PTPRN2: variants seen among roughly 807,000 people sequenced by gnomAD.
The protein encoded by PTPRN2 is receptor-type tyrosine-protein phosphatase N2.
Under a neutral mutation model 118.8 loss-of-function variants are expected in PTPRN2, and 74 were observed. The observed-to-expected ratio is 0.62, with a 90% confidence interval of 0.52 to 0.76. PTPRN2 has a LOEUF of 0.76. Among genes scored for constraint, PTPRN2 ranks in the 30% least tolerant of loss-of-function variants. The pLI is 0.00. For missense variants in PTPRN2, 1,481 were observed against 1,394.4 expected (o/e 1.06, Z -0.99); for synonymous variants, 641 against 608.0 (o/e 1.05, Z -0.80).
At position 158,407,214 on chromosome 7, in the gene PTPRN2, CGTCCTGCGTCCTGGGTCCTGG is replaced by C. The variant is rs1813588331; in HGVS notation, c.163+82500_163+82520del. 2.2e-3 allele frequency among the ~76,000 whole-genome samples: 51 copies of C among 22,890 alleles called. 1 individual carries two copies. The highest frequency in any genetic ancestry group is 5.2e-3 in the South Asian group (2 of 388). 15.0% of individuals were successfully genotyped at this position (22,890 alleles called of 152,430 possible). A position where few individuals can be genotyped will look rare whatever the true frequency, so the allele number is the denominator to read the frequency against. ...CCTGGGTCCTGGGTCCTGGGTCCTGCGTCCTGCGTCCTGGGTCCTGGGTCCTGGGTCCTGCGTCCTGGGTCC... is the reference window on the plus strand; with the variant it reads ...CCTGGGTCCTGGGTCCTGGGTCCTGCGTCCTGGGTCCTGCGTCCTGGGTCC... On this transcript the variant is annotated intron_variant, in intron 2 of 22. Transcript: ENST00000389418.
chr7:158,441,133 C>T (rs1367517957), intron 2 of PTPRN2, among the ~76,000 whole-genome samples: 1 of 142,388 alleles, frequency 7.0e-6, no homozygotes, highest in Non-Finnish European at 1.5e-5. Context: ...GTGGTGATGG[C>T]AGTGGTAGTG....
chr7:158,368,485 T>C (rs1338982931), intron 2 of PTPRN2, among the ~76,000 whole-genome samples: 4 of 152,236 alleles, frequency 2.6e-5, no homozygotes, highest in East Asian at 1.9e-4. Flanking sequence ...CCATACATGA[T>C]GGAAGCCGAC....
At chr7:158,147,764 C>T (rs1307271596) in intron 6 of PTPRN2, among the ~76,000 whole-genome samples, 5 of 118,684 alleles carry the variant, frequency 4.2e-5, no homozygotes, top group African/African-American at 7.7e-5. Context: ...GACACCCCAC[C>T]TCACGCCACG....
At chr7:158,337,405 TCCCTCACACCCACACTCTCAC>T (rs1452874869) in intron 2 of PTPRN2, among the ~76,000 whole-genome samples, 8 of 138,344 alleles carry the variant, frequency 5.8e-5, no homozygotes, top group South Asian at 2.5e-4. Flanking sequence ...CCTGCAGACG[TCCCTCACACCCACACTCTCAC>T]CATAAGAGGT....
chr7:157,886,159 T>C (rs1264758995), intron 12 of PTPRN2, among the ~76,000 whole-genome samples: 1 of 152,206 alleles, frequency 6.6e-6, no homozygotes, highest in African/African-American at 2.4e-5. Context: ...AAATGAACTT[T>C]GGTGCCACGT....
chr7:157,822,345 C>A (rs1806898640), intron 12 of PTPRN2, among the ~76,000 whole-genome samples: 1 of 151,704 alleles, frequency 6.6e-6, no homozygotes, highest in Non-Finnish European at 1.5e-5. Flanking sequence ...ATCCATCCAT[C>A]CGTCCATCCA....
chr7:158,334,075 C>A (rs867029970), intron 2 of PTPRN2, among the ~76,000 whole-genome samples: 5 of 62,300 alleles, frequency 8.0e-5, no homozygotes, highest in African/African-American at 1.1e-4. Flanking sequence ...GTCACTCACA[C>A]CCACACTCTC....
intron 12 of PTPRN2, among the ~76,000 whole-genome samples, chr7:157,815,638 T>G (rs1806347575): frequency 6.6e-6 from 1 of 152,102 alleles, no homozygotes; most frequent in African/African-American, 2.4e-5. Context: ...TAAAGGGACA[T>G]TCGGATGCAG....
At chr7:158,074,237 C>G (rs936519981) in intron 11 of PTPRN2, among the ~76,000 whole-genome samples, 2 of 152,168 alleles carry the variant, frequency 1.3e-5, no homozygotes, top group Non-Finnish European at 2.9e-5. Context: ...CCCCGGCAGC[C>G]GACTGCACCA....
intron 1 of PTPRN2, among the ~76,000 whole-genome samples, chr7:158,542,565 C>A (rs941757501): frequency 7.9e-5 from 12 of 152,206 alleles, no homozygotes; most frequent in African/African-American, 2.9e-4. Flanking sequence ...GTGCCCAGCG[C>A]CATTTTTAAA....
At chr7:158,236,708 G>A (rs1795572016) in intron 3 of PTPRN2, among the ~76,000 whole-genome samples, 1 of 152,160 alleles carries the variant, frequency 6.6e-6, no homozygotes, top group African/African-American at 2.4e-5. Flanking sequence ...GTCCCCGCCT[G>A]GTCACCCAGT....
intron 5 of PTPRN2, among the ~76,000 whole-genome samples, chr7:158,170,032 G>A (rs1177223502): frequency 6.6e-6 from 1 of 152,216 alleles, no homozygotes. Flanking sequence ...CTAAAGTGAT[G>A]TGACTATAGC....
At chr7:157,818,570 G>C (rs1305267145) in intron 12 of PTPRN2, among the ~76,000 whole-genome samples, 1 of 152,114 alleles carries the variant, frequency 6.6e-6, no homozygotes, top group Non-Finnish European at 1.5e-5. Flanking sequence ...CAGAAGGGCA[G>C]AGGCCACGAC....
At chr7:157,899,831 A>T (rs1002082593) in intron 11 of PTPRN2, among the ~76,000 whole-genome samples, 4 of 152,316 alleles carry the variant, frequency 2.6e-5, no homozygotes, top group African/African-American at 7.2e-5. Context: ...ACAGACAGAA[A>T]ACAGTCTGGG....
At chr7:158,341,155 A>T (rs1397521784) in intron 2 of PTPRN2, among the ~76,000 whole-genome samples, 7 of 143,266 alleles carry the variant, frequency 4.9e-5, no homozygotes, top group African/African-American at 1.4e-4. Context: ...ATAAGAGCTG[A>T]CGCCCGCAGA....
intron 1 of PTPRN2, among the ~76,000 whole-genome samples, chr7:158,505,366 G>A (rs1822666581): frequency 6.6e-6 from 1 of 152,078 alleles, no homozygotes; most frequent in African/African-American, 2.4e-5. Context: ...ATGTGCAGCT[G>A]TGTGTGCTCC....
At chr7:158,072,533 G>A (rs1394279132) in intron 11 of PTPRN2, among the ~76,000 whole-genome samples, 2 of 152,186 alleles carry the variant, frequency 1.3e-5, no homozygotes, top group Non-Finnish European at 2.9e-5. Context: ...CCCAAGTGCT[G>A]AATAGCCTCA....
At chr7:158,259,866 CAT>C (rs1797278071) in intron 3 of PTPRN2, among the ~76,000 whole-genome samples, 1 of 148,394 alleles carries the variant, frequency 6.7e-6, no homozygotes, top group African/African-American at 2.6e-5. Flanking sequence ...CCCTGGTGTA[CAT>C]GTATGTGCGT....
chr7:158,378,220 C>A (rs140766617), intron 2 of PTPRN2, among the ~76,000 whole-genome samples: 2,581 of 152,310 alleles, frequency 0.017, 83 homozygotes, highest in African/African-American at 0.059. Context: ...AACCCTTGAC[C>A]TTGACAATGG....
Sources: gnomAD v4.1 joint callset for allele counts (sites outside exome capture counted in the v4.1 genomes callset) on GRCh38, gnomAD v4.1.1 for gene constraint, MANE v1.5 for transcripts, NCBI Gene and HGNC (gene_info 2026-07-23, HGNC 2026-07-21) for gene names.